The following CHCHD3 variants were observed in gnomAD, a reference collection of about 807,000 sequenced individuals.
CHCHD3 encodes MICOS complex subunit MIC19.
CHCHD3 carries 20 observed loss-of-function variants against 38.2 expected under a neutral mutation model. That is an observed-to-expected ratio of 0.52 (90% CI 0.37 to 0.76). The LOEUF is 0.76. Ranked by LOEUF, CHCHD3 falls within the 30% of genes least tolerant of loss-of-function variation. The pLI, the probability that CHCHD3 is intolerant of heterozygous loss-of-function variation, is 0.00. For synonymous variants in CHCHD3, 82 were observed against 100.0 expected (o/e 0.82, Z 1.07); for missense variants, 245 against 279.2 (o/e 0.88, Z 0.87).
chr7:132,973,116 T>C (rs1811652647), intron 4 of CHCHD3: 1 of 985,322 alleles, frequency 1.0e-6, no homozygotes, highest in African/African-American at 1.7e-5. Flanking sequence ...TGAATCTTGC[T>C]GGTCTCCATA....
At chr7:133,038,675 T>C (rs1171322213) in intron 2 of CHCHD3, among the ~76,000 whole-genome samples, 3 of 152,222 alleles carry the variant, frequency 2.0e-5, no homozygotes, top group Non-Finnish European at 4.4e-5. Context: ...CTAAGTCAGA[T>C]ATAAGGAATG....
intron 1 of CHCHD3, among the ~76,000 whole-genome samples, chr7:133,074,349 A>G (rs1029696984): frequency 6.6e-6 from 1 of 152,210 alleles, no homozygotes; most frequent in African/African-American, 2.4e-5. Context: ...TGCTCTTTGA[A>G]GGAAAAAACT....
chr7:132,878,530 A>G (rs925824440), intron 5 of CHCHD3, among the ~76,000 whole-genome samples: 4 of 152,186 alleles, frequency 2.6e-5, no homozygotes, highest in Admixed American at 2.0e-4. Context: ...AACTAGTAAT[A>G]TACTTTTCTT....
intron 4 of CHCHD3, among the ~76,000 whole-genome samples, chr7:132,895,311 C>A (rs1809466030): frequency 6.6e-6 from 1 of 152,312 alleles, no homozygotes; most frequent in South Asian, 2.1e-4. Flanking sequence ...CCAGATAATT[C>A]TTTGTTATGG....
intron 6 of CHCHD3, among the ~76,000 whole-genome samples, chr7:132,833,729 G>C (rs566528047): frequency 6.6e-6 from 1 of 152,286 alleles, no homozygotes; most frequent in South Asian, 2.1e-4. Context: ...TTGAGGGGCT[G>C]AAGTATGAGT....
chr7:132,880,183 A>C (rs1369356998), intron 5 of CHCHD3, among the ~76,000 whole-genome samples: 1 of 152,228 alleles, frequency 6.6e-6, no homozygotes, highest in Non-Finnish European at 1.5e-5. Context: ...TCAAGTTGGT[A>C]CTAGACAGCA....
intron 7 of CHCHD3, among the ~76,000 whole-genome samples, chr7:132,793,880 T>C (rs926920908): frequency 9.2e-5 from 14 of 152,376 alleles, no homozygotes; most frequent in African/African-American, 3.1e-4. Flanking sequence ...CATGAGGAAC[T>C]GCTAAAATAG....
At chr7:132,904,579 A>C (rs930263832) in intron 4 of CHCHD3, among the ~76,000 whole-genome samples, 1 of 152,232 alleles carries the variant, frequency 6.6e-6, no homozygotes, top group Non-Finnish European at 1.5e-5. Flanking sequence ...ATCATTAAAA[A>C]GTCAGGAAAC....
chr7:132,882,585 TTTGTTGAGCAG>T (rs1373841444), intron 5 of CHCHD3, among the ~76,000 whole-genome samples: 2 of 151,878 alleles, frequency 1.3e-5, no homozygotes, highest in African/African-American at 4.8e-5. Context: ...TAACAGTTTA[TTTGTTGAGCAG>T]TTGTTGAGCA....
At chr7:132,997,923 A>C (rs918821375) in intron 3 of CHCHD3, among the ~76,000 whole-genome samples, 1 of 152,206 alleles carries the variant, frequency 6.6e-6, no homozygotes, top group South Asian at 2.1e-4. Context: ...ATCAACTCAT[A>C]TTCAACTCCC....
chr7:132,974,276 T>A (rs1187689496), intron 4 of CHCHD3, among the ~76,000 whole-genome samples: 1 of 152,214 alleles, frequency 6.6e-6, no homozygotes. Flanking sequence ...GATGGGTGTC[T>A]TTTAAACCTT....
chr7:132,874,164 G>T (rs1158603509), intron 5 of CHCHD3, among the ~76,000 whole-genome samples: 1 of 152,104 alleles, frequency 6.6e-6, no homozygotes, highest in Non-Finnish European at 1.5e-5. Flanking sequence ...GAACAGACAA[G>T]GTCCCTGCTT....
At chr7:132,960,081 G>T (rs1395273882) in intron 4 of CHCHD3, among the ~76,000 whole-genome samples, 1 of 152,144 alleles carries the variant, frequency 6.6e-6, no homozygotes, top group Non-Finnish European at 1.5e-5. Context: ...ATTGACGGAG[G>T]CTTTTTCACT....
chr7:132,985,242 G>A (rs553777324), intron 3 of CHCHD3, among the ~76,000 whole-genome samples: 2 of 84,104 alleles, frequency 2.4e-5, no homozygotes, highest in Admixed American at 1.2e-4. Context: ...CCATCCGGGA[G>A]GGAGGTGGGG....
chr7:133,027,381 GA>G (rs138022354), intron 2 of CHCHD3, among the ~76,000 whole-genome samples: 3 of 129,392 alleles, frequency 2.3e-5, no homozygotes, highest in Non-Finnish European at 4.7e-5. Flanking sequence ...GAGAGAGAGA[GA>G]GAGAAAGAGA....
At chr7:132,818,308 C>T (rs771542924) in intron 6 of CHCHD3, among the ~76,000 whole-genome samples, 12 of 152,174 alleles carry the variant, frequency 7.9e-5, no homozygotes, top group Non-Finnish European at 1.3e-4. Flanking sequence ...CTCCACATTA[C>T]GGTGGGGCTG....
At chr7:132,996,161 C>T (rs1443658349) in intron 3 of CHCHD3, among the ~76,000 whole-genome samples, 2 of 152,216 alleles carry the variant, frequency 1.3e-5, no homozygotes, top group Non-Finnish European at 1.5e-5. Context: ...AAGTAAAATG[C>T]TCCATGTTCT....
chr7:132,919,007 G>A (rs1433517483), intron 4 of CHCHD3, among the ~76,000 whole-genome samples: 1 of 151,450 alleles, frequency 6.6e-6, no homozygotes, highest in Non-Finnish European at 1.5e-5. Flanking sequence ...TTCTCCACGA[G>A]GTAGATTCTG....
At chr7:132,962,871 T>C (rs1190054937) in intron 4 of CHCHD3, among the ~76,000 whole-genome samples, 1 of 152,126 alleles carries the variant, frequency 6.6e-6, no homozygotes, top group Non-Finnish European at 1.5e-5. Flanking sequence ...ATGTTTAATA[T>C]GGAATTTTAA....
Sources: allele counts gnomAD v4.1 joint callset (sites outside exome capture counted in the v4.1 genomes callset), GRCh38; gene constraint gnomAD v4.1.1; transcripts MANE v1.5; gene names NCBI Gene and HGNC (gene_info 2026-07-23, HGNC 2026-07-21).